INPP4B: variants seen among roughly 807,000 people sequenced by gnomAD.
INPP4B encodes inositol polyphosphate 4-phosphatase type II.
INPP4B carries 55 observed loss-of-function variants against 122.5 expected under a neutral mutation model. The ratio of observed to expected loss-of-function variants is 0.45; its 90% CI spans 0.36 to 0.56. The LOEUF is 0.56. Ranked by LOEUF, INPP4B falls within the 20% of genes least tolerant of loss-of-function variation. The pLI, the probability that INPP4B is intolerant of heterozygous loss-of-function variation, is 0.00. For synonymous variants in INPP4B, 403 were observed against 388.7 expected, an observed-to-expected ratio of 1.04 and a Z score of -0.43; for missense variants, 1,000 against 1,097.7, an observed-to-expected ratio of 0.91 and a Z score of 1.26.
intron 2 of INPP4B, among the ~76,000 whole-genome samples, chr4:142,623,689 G>A: frequency 6.6e-6 from 1 of 150,648 alleles, no homozygotes; most frequent in Non-Finnish European, 1.5e-5. Flanking sequence ...TTTAGCATTA[G>A]GTATATCTCC....
intron 8 of INPP4B, among the ~76,000 whole-genome samples, chr4:142,312,712 GT>G (rs1765983270): frequency 6.6e-6 from 1 of 152,222 alleles, no homozygotes; most frequent in African/African-American, 2.4e-5. Context: ...ACAACAAGTG[GT>G]TGTGGAATGG....
chr4:142,065,404 GC>G (rs1763012884), intron 25 of INPP4B, among the ~76,000 whole-genome samples: 2 of 151,932 alleles, frequency 1.3e-5, no homozygotes, highest in South Asian at 2.1e-4. Context: ...ATCACACATC[GC>G]CCCACCCCAG....
At chr4:142,571,887 T>C (rs1732907768) in intron 2 of INPP4B, among the ~76,000 whole-genome samples, 1 of 152,140 alleles carries the variant, frequency 6.6e-6, no homozygotes, top group Non-Finnish European at 1.5e-5. Context: ...GTGCCTGGTA[T>C]ATAGAAAGCA....
chr4:142,544,131 G>GTGTGTGTGTGTC (rs1829272612), intron 2 of INPP4B, among the ~76,000 whole-genome samples: 1 of 312 alleles, frequency 3.2e-3, no homozygotes, highest in South Asian at 0.083. Context: ...TGTGTGTGTG[G>GTGTGTGTGTGTC]TGTGTGTGTG....
intron 2 of INPP4B, among the ~76,000 whole-genome samples, chr4:142,602,513 T>C (rs1740253410): frequency 6.6e-6 from 1 of 151,938 alleles, no homozygotes; most frequent in African/African-American, 2.4e-5. Context: ...TAAACAAATT[T>C]ACAAGAAAAA....
At chr4:142,212,284 A>G (rs766500195) in intron 12 of INPP4B, among the ~76,000 whole-genome samples, 4 of 152,146 alleles carry the variant, frequency 2.6e-5, no homozygotes, top group Non-Finnish European at 5.9e-5. Flanking sequence ...CAGCCACAAT[A>G]TGCAATCCTC....
At chr4:142,033,028 A>T (rs755460226) in intron 25 of INPP4B, among the ~76,000 whole-genome samples, 10 of 152,164 alleles carry the variant, frequency 6.6e-5, no homozygotes, top group African/African-American at 9.7e-5. Flanking sequence ...AAAATAAAAA[A>T]GCCTAAAACA....
intron 5 of INPP4B, among the ~76,000 whole-genome samples, chr4:142,427,708 A>G (rs1808410642): frequency 6.6e-6 from 1 of 152,148 alleles, no homozygotes; most frequent in Non-Finnish European, 1.5e-5. Context: ...CAAACAAGAA[A>G]GCTTTATTTG....
At chr4:142,525,378 GA>G (rs1329432527) in intron 2 of INPP4B, among the ~76,000 whole-genome samples, 3 of 138,416 alleles carry the variant, frequency 2.2e-5, no homozygotes, top group Admixed American at 7.3e-5. Context: ...CACAGAATTG[GA>G]AAAAACTACT....
intron 7 of INPP4B, among the ~76,000 whole-genome samples, chr4:142,348,635 C>G (rs1781028475): frequency 6.6e-6 from 1 of 152,010 alleles, no homozygotes; most frequent in Non-Finnish European, 1.5e-5. Context: ...TCAATAAGAG[C>G]TTGGTGACAC....
intron 23 of INPP4B, among the ~76,000 whole-genome samples, chr4:142,088,026 G>C (rs772152879): frequency 4.6e-5 from 7 of 152,156 alleles, no homozygotes; most frequent in Non-Finnish European, 8.8e-5. Flanking sequence ...AGAGAAAGTT[G>C]TCAAAAGTCA....
intron 1 of INPP4B, among the ~76,000 whole-genome samples, chr4:142,808,722 G>A (rs1474732566): frequency 6.6e-6 from 1 of 151,950 alleles, no homozygotes; most frequent in Non-Finnish European, 1.5e-5. Context: ...TATAGAAATT[G>A]CCACATAAGA....
chr4:142,100,104 G>T (rs979017926), intron 23 of INPP4B, among the ~76,000 whole-genome samples: 2 of 152,132 alleles, frequency 1.3e-5, no homozygotes, highest in Non-Finnish European at 2.9e-5. Flanking sequence ...GGTCGATGAT[G>T]CTGATCAATC....
chr4:142,577,383 C>CA (rs1188267617), intron 2 of INPP4B, among the ~76,000 whole-genome samples: 5 of 151,782 alleles, frequency 3.3e-5, no homozygotes, highest in African/African-American at 4.8e-5. Context: ...GTATTTTCTG[C>CA]AAAAAAATTT....
chr4:142,733,847 T>G (rs1195072578), intron 1 of INPP4B, among the ~76,000 whole-genome samples: 1 of 152,100 alleles, frequency 6.6e-6, no homozygotes, highest in Admixed American at 6.6e-5. Flanking sequence ...AACCCAAATT[T>G]CCATAAACAG....
At chr4:142,567,326 G>A (rs139532715) in intron 2 of INPP4B, among the ~76,000 whole-genome samples, 6 of 152,144 alleles carry the variant, frequency 3.9e-5, no homozygotes, top group South Asian at 2.1e-4. Flanking sequence ...CACTGGGTCC[G>A]AGAGCACAGC....
intron 1 of INPP4B, among the ~76,000 whole-genome samples, chr4:142,772,661 T>C (rs1482286450): frequency 6.6e-6 from 1 of 151,918 alleles, no homozygotes; most frequent in Admixed American, 6.6e-5. Context: ...CATAGGGAAA[T>C]TGACATGTAA....
rs867414650 is a variant in INPP4B, at chr4:142,042,566, T to G, written c.2643-13652A>C. On this transcript the variant is annotated intron_variant, in intron 25 of 25. Transcript: ENST00000262992. ...TGTATGTATGTATGTATGTATTTAT[T>G]TATTTATTTATTTTTAGACAGAGTC... is the stretch of plus-strand genomic sequence containing the variant. Among the ~76,000 whole-genome samples the G allele has an allele frequency of 9.9e-3, 1,280 of 129,720 alleles. 23 individuals are homozygous for G. The highest frequency in any genetic ancestry group is 0.034 in the African/African-American group (1,206 of 35,750). 85.1% of individuals were successfully genotyped at this position (129,720 alleles called of 152,430 possible).
chr4:142,352,168 C>T (rs1328956781), intron 7 of INPP4B, among the ~76,000 whole-genome samples: 1 of 151,864 alleles, frequency 6.6e-6, no homozygotes, highest in African/African-American at 2.4e-5. Context: ...TTTCTAAAGA[C>T]CGCTTTGTGT....
Sources: allele counts gnomAD v4.1 joint callset (sites outside exome capture counted in the v4.1 genomes callset), GRCh38; gene constraint gnomAD v4.1.1; transcripts MANE v1.5; gene names NCBI Gene and HGNC (gene_info 2026-07-23, HGNC 2026-07-21).